Variants in MAGI2 observed in about 807,000 individuals in gnomAD.
The protein encoded by MAGI2 is membrane-associated guanylate kinase, WW and PDZ domain-containing protein 2.
MAGI2 carries 35 observed loss-of-function variants against 133.3 expected under a neutral mutation model. That is an observed-to-expected ratio of 0.26 (90% CI 0.20 to 0.35). The LOEUF is 0.35. Among genes scored for constraint, MAGI2 ranks in the 10% least tolerant of loss-of-function variants. MAGI2 has a pLI of 1.00. For synonymous variants in MAGI2, 729 were observed against 710.6 expected, an observed-to-expected ratio of 1.03 and a Z score of -0.41; for missense variants, 1,636 against 1,863.4, an observed-to-expected ratio of 0.88 and a Z score of 2.25.
rs935150882 is a variant in MAGI2 at position 79,453,529 on chromosome 7, A to T, written c.-209T>A. On this transcript the variant is annotated 5_prime_UTR_variant, in exon 1 of 22. Coordinates refer to ENST00000354212, the MANE Select transcript of MAGI2 (RefSeq NM_012301.4). ...AGAGGGACGGCTGGGCAGAGGTAGG[A>T]GAGCTTGGATGAGGTTGTGCTGTCC... 2.2e-6 allele frequency: 3 copies of T among 1,375,182 alleles called. No individual in the cohort carries two copies. The highest frequency in any genetic ancestry group is 2.8e-6 in the Non-Finnish European group (3 of 1,068,564). 85.2% of individuals were successfully genotyped at this position (1,375,182 alleles called of 1,614,324 possible). A position where few individuals can be genotyped will look rare whatever the true frequency, so the allele number is the denominator to read the frequency against.
chr7:79,174,895 T>C (rs1156273025), intron 1 of MAGI2, among the ~76,000 whole-genome samples: 1 of 151,924 alleles, frequency 6.6e-6, no homozygotes, highest in African/African-American at 2.4e-5. Context: ...ATATAAATAC[T>C]GTCTGTGGCA....
At chr7:78,099,872 C>T (rs1480529891) in intron 20 of MAGI2, among the ~76,000 whole-genome samples, 2 of 152,068 alleles carry the variant, frequency 1.3e-5, no homozygotes, top group African/African-American at 4.8e-5. Flanking sequence ...CTTTAATGTG[C>T]CAATGATAAT....
intron 1 of MAGI2, among the ~76,000 whole-genome samples, chr7:79,298,237 A>G (rs1253980193): frequency 3.9e-4 from 60 of 152,178 alleles, no homozygotes; most frequent in Admixed American, 3.9e-3. Context: ...ATTTATTTTT[A>G]AAATGCAAAA....
intron 2 of MAGI2, among the ~76,000 whole-genome samples, chr7:78,683,751 AT>A: frequency 6.6e-6 from 1 of 152,072 alleles, no homozygotes; most frequent in South Asian, 2.1e-4. Flanking sequence ...AAGATCACTC[AT>A]TTTTTCCACA....
intron 1 of MAGI2, among the ~76,000 whole-genome samples, chr7:79,365,021 A>T (rs1195767115): frequency 1.3e-5 from 2 of 152,130 alleles, no homozygotes; most frequent in African/African-American, 4.8e-5. Context: ...AGTAGGAAAA[A>T]AAAAACCTCT....
chr7:78,383,095 A>G (rs1381417376), intron 6 of MAGI2, among the ~76,000 whole-genome samples: 1 of 152,116 alleles, frequency 6.6e-6, no homozygotes, highest in Non-Finnish European at 1.5e-5. Flanking sequence ...TCTCTTTGAT[A>G]TATTGATTTC....
chr7:78,810,788 GA>G lies in MAGI2; in HGVS notation c.419-183550del, dbSNP rs565047472. The stretch of plus-strand genomic sequence containing the variant: ...TGAAGAATTGTCTGTTTCTTTCTAT[GA>G]ACTAAACTCATAGTAATGTCATGTA... On this transcript the variant is annotated intron_variant, in intron 2 of 21. Transcript: ENST00000354212. Among the ~76,000 whole-genome samples, 1,013 of 151,904 alleles carry G rather than the reference GA, an allele frequency of 6.7e-3. 1 individual carries two copies. Among genetic ancestry groups the G allele is most frequent in the Non-Finnish European group, 0.011 (775 of 67,908 alleles).
At chr7:79,203,744 C>T (rs974552581) in intron 1 of MAGI2, among the ~76,000 whole-genome samples, 1 of 151,996 alleles carries the variant, frequency 6.6e-6, no homozygotes, top group Admixed American at 6.5e-5. Context: ...ATTTAAGCCG[C>T]CACCAACGCA....
At chr7:78,090,984 T>C (rs1363677439) in intron 20 of MAGI2, among the ~76,000 whole-genome samples, 1 of 152,198 alleles carries the variant, frequency 6.6e-6, no homozygotes, top group Non-Finnish European at 1.5e-5. Flanking sequence ...AGCAGAGATT[T>C]GATTGTATAT....
intron 2 of MAGI2, among the ~76,000 whole-genome samples, chr7:78,821,551 A>T (rs1245348020): frequency 1.3e-5 from 2 of 152,042 alleles, no homozygotes; most frequent in Non-Finnish European, 2.9e-5. Flanking sequence ...TGACCATTAT[A>T]GTCAAATTTG....
chr7:78,411,781 T>C (rs1410292288), intron 6 of MAGI2, among the ~76,000 whole-genome samples: 1 of 152,054 alleles, frequency 6.6e-6, no homozygotes, highest in Non-Finnish European at 1.5e-5. Flanking sequence ...TAAGGTACTA[T>C]GCATAAAGCT....
rs6651113 is a variant in MAGI2, at chr7:78,473,582, A to G, written c.1045+16179T>C. Among the ~76,000 whole-genome samples, 1,090 of 152,196 alleles carry G rather than the reference A, an allele frequency of 7.2e-3. 16 individuals carry two copies. Among genetic ancestry groups the G allele is most frequent in the African/African-American group, 0.024 (1,011 of 41,572 alleles). On this transcript the variant is annotated intron_variant, in intron 6 of 21. Coordinates refer to ENST00000354212, the MANE Select transcript of MAGI2 (RefSeq NM_012301.4). ...GTACTTCTTCAGCCCTGTAAAACTCAGTGCAAACATCCATCTTCTAAATGA... is the reference window on the plus strand; with the variant it reads ...GTACTTCTTCAGCCCTGTAAAACTCGGTGCAAACATCCATCTTCTAAATGA...
intron 1 of MAGI2, among the ~76,000 whole-genome samples, chr7:79,041,184 A>G (rs893599159): frequency 1.3e-5 from 2 of 152,180 alleles, no homozygotes; most frequent in Non-Finnish European, 2.9e-5. Context: ...GAGATAAACA[A>G]TCTTTTTCTA....
At chr7:79,382,212 A>G (rs1843842974) in intron 1 of MAGI2, among the ~76,000 whole-genome samples, 1 of 151,660 alleles carries the variant, frequency 6.6e-6, no homozygotes, top group African/African-American at 2.4e-5. Context: ...TCATTTTATG[A>G]TGAATGTTTC....
chr7:78,509,110 T>A (rs968869745), intron 4 of MAGI2, among the ~76,000 whole-genome samples: 1 of 151,848 alleles, frequency 6.6e-6, no homozygotes, highest in Non-Finnish European at 1.5e-5. Context: ...GTCTCTTAGA[T>A]GTCGTTCAAA....
chr7:78,508,145 A>C (rs998755775), intron 4 of MAGI2, among the ~76,000 whole-genome samples: 9 of 152,164 alleles, frequency 5.9e-5, no homozygotes, highest in Non-Finnish European at 1.2e-4. Flanking sequence ...CACCAGTCAT[A>C]CTGGATGAAG....
At chr7:78,566,988 T>G (rs1267841408) in intron 3 of MAGI2, among the ~76,000 whole-genome samples, 1 of 152,166 alleles carries the variant, frequency 6.6e-6, no homozygotes, top group African/African-American at 2.4e-5. Context: ...TTTTACAATA[T>G]GAGGTTTTAA....
intron 2 of MAGI2, among the ~76,000 whole-genome samples, chr7:78,845,473 G>C (rs1467693536): frequency 6.6e-6 from 1 of 151,868 alleles, no homozygotes; most frequent in African/African-American, 2.4e-5. Flanking sequence ...GGCCTTGGAT[G>C]ATACGAAGTT....
At chr7:78,890,917 C>A (rs1042809316) in intron 2 of MAGI2, among the ~76,000 whole-genome samples, 2 of 152,026 alleles carry the variant, frequency 1.3e-5, no homozygotes, top group Non-Finnish European at 2.9e-5. Context: ...AAAAACCCTT[C>A]AAAAAATCTA....
Sources: gnomAD v4.1 joint callset for allele counts (sites outside exome capture counted in the v4.1 genomes callset) on GRCh38, gnomAD v4.1.1 for gene constraint, MANE v1.5 for transcripts, NCBI Gene and HGNC (gene_info 2026-07-23, HGNC 2026-07-21) for gene names.